RFX4: variants seen among roughly 807,000 people sequenced by gnomAD.
RFX4 encodes regulatory factor X4.
Under a neutral mutation model 95.0 loss-of-function variants are expected in RFX4, and 10 were observed. The observed-to-expected ratio is 0.11, with a 90% CI of 0.06 to 0.18. RFX4 has a LOEUF of 0.18. RFX4 is among the 10% of genes least tolerant of loss of function. The pLI is 1.00. For synonymous variants in RFX4, 321 were observed against 340.7 expected, an observed-to-expected ratio of 0.94 and a Z score of 0.64; for missense variants, 640 against 922.0, an observed-to-expected ratio of 0.69 and a Z score of 3.96.
In RFX4 at chr12:106,646,563, C is replaced by T. The variant is rs533843370; in HGVS notation, c.191+7171C>T. On this transcript the variant is annotated intron_variant, in intron 3 of 17. Coordinates refer to ENST00000392842, the MANE Select transcript of RFX4 (RefSeq NM_213594.3). ...TCAGTAGGTTGTAGGTCAAACCCAG[C>T]GTAGGAATTGGATGACTACTGTTCT... Among the ~76,000 whole-genome samples, 6 of 151,962 alleles carry T rather than the reference C, an allele frequency of 3.9e-5. No homozygotes were observed. The South Asian group carries it at 6.3e-4, about 16-fold the overall frequency.
chr12:106,624,201 A>C (rs2040243638), intron 2 of RFX4, among the ~76,000 whole-genome samples: 1 of 152,254 alleles, frequency 6.6e-6, no homozygotes, highest in Non-Finnish European at 1.5e-5. Context: ...AGCTGAAAGG[A>C]AGGATGAAAG....
intron 17 of RFX4, among the ~76,000 whole-genome samples, chr12:106,759,119 C>T (rs954480730): frequency 1.3e-5 from 2 of 152,182 alleles, no homozygotes; most frequent in Non-Finnish European, 2.9e-5. Context: ...GGCCCCGGCC[C>T]GAGAGGCACA....
chr12:106,702,765 T>C (rs1226421624), intron 8 of RFX4, among the ~76,000 whole-genome samples: 1 of 152,198 alleles, frequency 6.6e-6, no homozygotes, highest in Non-Finnish European at 1.5e-5. Flanking sequence ...TCTTCCCTAT[T>C]CCCTGGGGTC....
intron 8 of RFX4, among the ~76,000 whole-genome samples, chr12:106,706,948 C>A (rs143757269): frequency 2.0e-5 from 3 of 152,082 alleles, no homozygotes; most frequent in Non-Finnish European, 4.4e-5. Context: ...ATATTGTGTG[C>A]GTGTGTGTAT....
intron 7 of RFX4, among the ~76,000 whole-genome samples, chr12:106,695,833 A>C (rs1222189160): frequency 1.3e-5 from 2 of 151,994 alleles, no homozygotes; most frequent in Admixed American, 6.6e-5. Context: ...CACTCCTTTT[A>C]CCCGCGACTC....
intron 2 of RFX4, among the ~76,000 whole-genome samples, chr12:106,635,312 A>G (rs2040488907): frequency 6.6e-6 from 1 of 151,992 alleles, no homozygotes; most frequent in African/African-American, 2.4e-5. Context: ...ACAATTGACA[A>G]TTTGTCATTG....
chr12:106,741,724 G>T (rs1207355177), intron 15 of RFX4, among the ~76,000 whole-genome samples: 16 of 152,144 alleles, frequency 1.1e-4, no homozygotes, highest in African/African-American at 3.6e-4. Flanking sequence ...CTAAGGAAAA[G>T]GTTAAAGCAG....
intron 4 of RFX4, among the ~76,000 whole-genome samples, chr12:106,656,588 C>T (rs932672388): frequency 1.3e-5 from 2 of 152,136 alleles, no homozygotes; most frequent in African/African-American, 2.4e-5. Flanking sequence ...TCCTCTTCAC[C>T]ACAGTGGGGG....
intron 4 of RFX4, among the ~76,000 whole-genome samples, chr12:106,663,423 G>T (rs982285401): frequency 4.6e-5 from 7 of 151,834 alleles, no homozygotes; most frequent in African/African-American, 7.3e-5. Context: ...TTGCAACCTT[G>T]CTTATTAGTT....
intron 4 of RFX4, among the ~76,000 whole-genome samples, chr12:106,679,965 GAAGGACATA>G (rs1233646805): frequency 8.5e-5 from 13 of 152,172 alleles, no homozygotes; most frequent in Non-Finnish European, 1.0e-4. Context: ...CACAATTTGA[GAAGGACATA>G]AAGTGAAAAG....
chr12:106,747,925 C>A (rs2042925287), intron 16 of RFX4, among the ~76,000 whole-genome samples: 3 of 119,410 alleles, frequency 2.5e-5, no homozygotes, highest in Non-Finnish European at 5.4e-5. Context: ...GAGACGCCGT[C>A]TTAAAAAAAA....
chr12:106,716,745 T>A (rs958950184), intron 11 of RFX4, among the ~76,000 whole-genome samples: 1 of 152,102 alleles, frequency 6.6e-6, no homozygotes, highest in Non-Finnish European at 1.5e-5. Context: ...TGACTGCCTA[T>A]TCTAAGCCAG....
intron 2 of RFX4, among the ~76,000 whole-genome samples, chr12:106,626,847 A>T (rs1319026904): frequency 1.3e-5 from 2 of 152,152 alleles, no homozygotes; most frequent in Non-Finnish European, 2.9e-5. Context: ...TCTTCAGGTC[A>T]CCATTTCCTT....
At chr12:106,633,317 C>G (rs2040453121) in intron 2 of RFX4, among the ~76,000 whole-genome samples, 1 of 152,192 alleles carries the variant, frequency 6.6e-6, no homozygotes, top group Non-Finnish European at 1.5e-5. Flanking sequence ...GGTCCTGTTT[C>G]CATTCACCAG....
chr12:106,605,625 T>G (rs1378150772), intron 1 of RFX4, among the ~76,000 whole-genome samples: 2 of 152,212 alleles, frequency 1.3e-5, no homozygotes, highest in African/African-American at 2.4e-5. Flanking sequence ...CGTGTTCACA[T>G]GGACATTGAT....
intron 11 of RFX4, among the ~76,000 whole-genome samples, chr12:106,718,594 T>C (rs187070583): frequency 2.6e-4 from 39 of 152,336 alleles, no homozygotes; most frequent in African/African-American, 8.9e-4. Context: ...TCTTACTTCT[T>C]GTAGCAAGCG....
chr12:106,626,725 G>C (rs1173511964), intron 2 of RFX4, among the ~76,000 whole-genome samples: 1 of 152,186 alleles, frequency 6.6e-6, no homozygotes, highest in Non-Finnish European at 1.5e-5. Flanking sequence ...AAACTGGGAG[G>C]ATAGGATGGG....
chr12:106,672,624 C>T (rs2041305772), intron 4 of RFX4, among the ~76,000 whole-genome samples: 1 of 152,184 alleles, frequency 6.6e-6, no homozygotes, highest in Non-Finnish European at 1.5e-5. Flanking sequence ...AAAAGCTGAG[C>T]AGCCTGAGCG....
intron 2 of RFX4, among the ~76,000 whole-genome samples, chr12:106,637,546 G>C (rs1276736760): frequency 6.6e-6 from 1 of 151,516 alleles, no homozygotes; most frequent in Non-Finnish European, 1.5e-5. Flanking sequence ...AAATTTTATT[G>C]ATAATATTTG....
Sources: gnomAD v4.1 joint callset for allele counts (sites outside exome capture counted in the v4.1 genomes callset) on GRCh38, gnomAD v4.1.1 for gene constraint, MANE v1.5 for transcripts, NCBI Gene and HGNC (gene_info 2026-07-23, HGNC 2026-07-21) for gene names.